Variants in ZC3HC1 observed in about 807,000 individuals in gnomAD.
ZC3HC1 encodes zinc finger C3HC-type containing 1.
ZC3HC1 carries 38 observed loss-of-function variants against 61.9 expected under a neutral mutation model. The observed-to-expected ratio is 0.61, with a 90% CI of 0.47 to 0.81. The LOEUF is 0.81. Among genes scored for constraint, ZC3HC1 ranks in the 30% least tolerant of loss-of-function variants. The pLI is 0.00. For synonymous variants in ZC3HC1, 213 were observed against 229.9 expected, an observed-to-expected ratio of 0.93 and a Z score of 0.67; for missense variants, 554 against 622.7, an observed-to-expected ratio of 0.89 and a Z score of 1.17.
chr7:130,033,906 A>C (rs746322192), intron 4 of ZC3HC1, among the ~76,000 whole-genome samples: 3 of 152,240 alleles, frequency 2.0e-5, no homozygotes, highest in Non-Finnish European at 4.4e-5. Context: ...TGAGGGACCA[A>C]AATCTGGTTG....
At chr7:130,045,798 G>A (rs1352496767) in intron 2 of ZC3HC1, among the ~76,000 whole-genome samples, 1 of 150,738 alleles carries the variant, frequency 6.6e-6, no homozygotes, top group Non-Finnish European at 1.5e-5. Context: ...GGCTGAGGCA[G>A]GAGAATCGCT....
chr7:130,039,766 T>C (rs1794572845), intron 3 of ZC3HC1: 3 of 440,098 alleles, frequency 6.8e-6, no homozygotes, highest in Non-Finnish European at 1.2e-5. Context: ...TTATTTTTTA[T>C]TTTTTTGAGA....
intron 3 of ZC3HC1, 120 bp from the exon 4 acceptor site, chr7:130,039,667 T>A: frequency 1.5e-6 from 1 of 673,644 alleles, no homozygotes; most frequent in Non-Finnish European, 2.4e-6. Context: ...GTGAAAATAT[T>A]ATCAAGTACA....
At position 130,022,349 on chromosome 7, in the gene ZC3HC1, CTGTT is replaced by C. The variant is rs781272142; in HGVS notation, c.1406_1409del (p.Lys469SerfsTer11). The C allele has an allele frequency of 5.1e-5, 82 of 1,614,022 alleles. No individual in the cohort carries two copies. The highest frequency in any genetic ancestry group is 6.5e-5 in the Non-Finnish European group (77 of 1,180,020). Reference sequence around the variant, plus strand: ...AGTCCGTTTCAGCTGGCTGGCTAGACTGTTTGTGCGCCAAGAGGATGGTCAGCAC... The same window carrying C: ...AGTCCGTTTCAGCTGGCTGGCTAGACTGTGCGCCAAGAGGATGGTCAGCAC... On this transcript the variant is annotated frameshift_variant, in exon 9 of 10. Coordinates refer to ENST00000358303, the MANE Select transcript of ZC3HC1 (RefSeq NM_016478.5). LOFTEE classifies it high-confidence loss of function.
chr7:130,019,321 T>C (rs1793525258), intron 9 of ZC3HC1, among the ~76,000 whole-genome samples: 1 of 152,196 alleles, frequency 6.6e-6, no homozygotes, highest in African/African-American at 2.4e-5. Context: ...AGTGCTGGGA[T>C]TACAGGCGTG....
At chr7:130,035,283 C>CG (rs1418966405) in intron 4 of ZC3HC1, among the ~76,000 whole-genome samples, 3 of 148,440 alleles carry the variant, frequency 2.0e-5, no homozygotes, top group Non-Finnish European at 4.4e-5. Flanking sequence ...CCCAGGTACT[C>CG]GGGGGTGCTG....
At chr7:130,030,674 CTTTT>C (rs1272691508) in intron 4 of ZC3HC1, among the ~76,000 whole-genome samples, 1 of 141,010 alleles carries the variant, frequency 7.1e-6, no homozygotes, top group Non-Finnish European at 1.6e-5. Flanking sequence ...CACTCATAAT[CTTTT>C]TTTTTTTTTT....
In ZC3HC1 at chr7:130,026,280, T is replaced by C; in HGVS notation, c.654A>G (p.Leu218=). The C allele has an allele frequency of 6.2e-7, 1 of 1,613,954 alleles. No homozygotes were observed. Among genetic ancestry groups the C allele is most frequent in the South Asian group, 1.1e-5 (1 of 91,076 alleles). Residue 218 remains leucine (L), a synonymous_variant, in exon 6 of 10, where the codon CTA becomes CTG. Transcript: ENST00000358303. The part of the protein sequence containing the change: ...CLTEDKISLL[L]HLLEDELDHR... ...GATCAAGTTCATCTTCAAGCAAGTG[T>C]AGGAGAAGACTGATCTTGTCTTCTG...
At chr7:130,049,393 A>G (rs1049216006) in intron 1 of ZC3HC1, among the ~76,000 whole-genome samples, 1 of 152,112 alleles carries the variant, frequency 6.6e-6, no homozygotes, top group African/African-American at 2.4e-5. Context: ...CTAAACTTCA[A>G]TTTCTACCTC....
chr7:130,032,668 T>A (rs998774248), intron 4 of ZC3HC1, among the ~76,000 whole-genome samples: 1 of 58,006 alleles, frequency 1.7e-5, no homozygotes, highest in Non-Finnish European at 3.1e-5. Flanking sequence ...ATAGAAGAAA[T>A]GGAAGGAAGG....
intron 4 of ZC3HC1, chr7:130,039,142 CGA>C: frequency 4.1e-6 from 1 of 243,560 alleles, no homozygotes; most frequent in Non-Finnish European, 7.9e-6. Context: ...GTCAAGAGTT[CGA>C]GACCAGATTG....
At chr7:130,030,194 CCT>C (rs1794112024) in intron 4 of ZC3HC1, among the ~76,000 whole-genome samples, 1 of 87,700 alleles carries the variant, frequency 1.1e-5, no homozygotes, top group South Asian at 4.8e-4. Context: ...ACTGAATCAG[CCT>C]TTTTTTTTTT....
chr7:130,051,411 G>C (rs909841920), upstream of ZC3HC1: 4 of 1,609,994 alleles, frequency 2.5e-6, no homozygotes, highest in Admixed American at 1.7e-5. Flanking sequence ...TGAAGGCTCC[G>C]GAACTTCCGT....
chr7:130,023,393 C>A lies in ZC3HC1; in HGVS notation c.1233+118G>T. The A allele has an allele frequency of 1.0e-6, 1 of 980,040 alleles. No homozygotes were observed. Among genetic ancestry groups the A allele is most frequent in the South Asian group, 1.6e-5 (1 of 62,704 alleles). 60.7% of individuals were successfully genotyped at this position (980,040 alleles called of 1,614,324 possible). On this transcript the variant is annotated intron_variant, in intron 8 of 9. Coordinates refer to ENST00000358303, the MANE Select transcript of ZC3HC1 (RefSeq NM_016478.5). This position sits in a 1 kb window ranked among gnomAD's most constrained non-coding sequence, Gnocchi z 4.2. ...GGTCATCCAACTTTAAATTTATTCA[C>A]ATGGTCTACTTTTTGCATTGGACCA...
rs143802174 is a variant in ZC3HC1, at chr7:130,051,241, C to T, written c.126G>A (p.Pro42=). ...IRQLIDEGIA[P]EEGGVDAKDT... is the part of the protein sequence containing the mutation. ...CTCACGCGTCCACGCCTCCCTCTTC[C>T]GGGGCAATCCCCTCATCTATCAGCT... The change falls in exon 1 of 10, where the codon CCG becomes CCA. Residue 42 remains proline (P), a synonymous_variant. Transcript: ENST00000358303. The T allele has an allele frequency of 6.2e-6, 10 of 1,609,664 alleles. No individual in the cohort carries two copies. The African/African-American group carries it at 1.2e-4, about 19-fold the overall frequency.
chr7:130,022,228 G>T, intron 9 of ZC3HC1, 91 bp downstream of exon 9: 1 of 1,497,914 alleles, frequency 6.7e-7, no homozygotes, highest in Non-Finnish European at 9.2e-7. Flanking sequence ...AAAGCTGAAG[G>T]CAGGCGGGGT....
chr7:130,036,554 TC>T (rs1207958878), intron 4 of ZC3HC1: 1 of 152,034 alleles, frequency 6.6e-6, no homozygotes, highest in African/African-American at 2.4e-5. Flanking sequence ...AGAGTGAGAC[TC>T]CATCTCAAAA....
intron 4 of ZC3HC1, among the ~76,000 whole-genome samples, chr7:130,030,513 A>C (rs1794133441): frequency 6.6e-6 from 1 of 151,046 alleles, no homozygotes; most frequent in Admixed American, 6.6e-5. Flanking sequence ...AATCAGCTTT[A>C]ATAAAGAATG....
At chr7:130,040,231 A>T (rs1193548341) in intron 3 of ZC3HC1, among the ~76,000 whole-genome samples, 1 of 134,546 alleles carries the variant, frequency 7.4e-6, no homozygotes, top group Non-Finnish European at 1.6e-5. Context: ...ACGGTGGCTC[A>T]CGCCTGTAAT....
Sources: allele counts gnomAD v4.1 joint callset (sites outside exome capture counted in the v4.1 genomes callset), GRCh38; gene constraint gnomAD v4.1.1; non-coding constraint Gnocchi (gnomAD v3.1); transcripts MANE v1.5; gene names NCBI Gene and HGNC (gene_info 2026-07-23, HGNC 2026-07-21).